UTP25: variants seen among roughly 807,000 people sequenced by gnomAD.
UTP25 encodes U3 small nucleolar RNA-associated protein 25 homolog.
UTP25 carries 50 observed loss-of-function variants against 78.9 expected under a neutral mutation model. That is an observed-to-expected ratio of 0.63 (90% CI 0.50 to 0.80). The LOEUF (loss-of-function observed/expected upper bound fraction) is 0.80. UTP25 is among the 30% of genes least tolerant of loss of function. UTP25 has a pLI of 0.00. For synonymous variants in UTP25, 329 were observed against 336.5 expected (o/e 0.98, Z 0.24); for missense variants, 846 against 911.3 (o/e 0.93, Z 0.92).
chr1:209,855,573 G>A lies in UTP25; in HGVS notation c.*4126G>A, dbSNP rs1279166922. On this transcript the variant is annotated 3_prime_UTR_variant, in exon 12 of 12. Coordinates refer to ENST00000491415, the MANE Select transcript of UTP25 (RefSeq NM_014388.7). ...AGAGAAATCTAATCTTTCTCCTGCT[G>A]GGCAGCTCAGTACAGATGTCCCCTC... The A allele has an allele frequency of 1.3e-5, 2 of 152,282 alleles. No individual in the cohort carries two copies. The highest frequency in any genetic ancestry group is 2.4e-5 in the African/African-American group (1 of 41,436). 9.4% of individuals were successfully genotyped at this position (152,282 alleles called of 1,614,324 possible). A position where few individuals can be genotyped will look rare whatever the true frequency, so the allele number is the denominator to read the frequency against.
chr1:209,851,279 T>C lies in UTP25; in HGVS notation c.2103T>C (p.Cys701=). The C allele has an allele frequency of 1.2e-6, 2 of 1,614,170 alleles. No individual in the cohort carries two copies. Among genetic ancestry groups the C allele is most frequent in the Middle Eastern group, 3.3e-4 (2 of 6,060 alleles). ...ATCCACACTTTTACAGTGAAATCTG[T>C]AATATGCTGAGAGCCACCAACAGAG... is the stretch of plus-strand genomic sequence containing the variant. The part of the protein sequence containing the change: ...PTYPHFYSEI[C]NMLRATNRGE... The change falls in exon 12 of 12, where the codon TGT becomes TGC. Residue 701 remains cysteine (C), a synonymous_variant. Coordinates refer to ENST00000491415, the MANE Select transcript of UTP25 (RefSeq NM_014388.7).
chr1:209,850,035 C>T (rs2078221869), intron 11 of UTP25, among the ~76,000 whole-genome samples: 5 of 152,176 alleles, frequency 3.3e-5, no homozygotes, highest in Admixed American at 3.3e-4. Context: ...CCACTGAGGA[C>T]CAATTATTAA....
At chr1:209,828,400 G>A (rs1294422897) in intron 1 of UTP25, among the ~76,000 whole-genome samples, 2 of 85,506 alleles carry the variant, frequency 2.3e-5, no homozygotes, top group African/African-American at 9.1e-5. Context: ...TGTGGGGGAG[G>A]ATTTTTTTTT....
chr1:209,843,782 C>A, intron 11 of UTP25, 86 bp downstream of exon 11: 1 of 1,507,588 alleles, frequency 6.6e-7, no homozygotes, highest in South Asian at 1.3e-5. Context: ...TGGCAGGCTT[C>A]GTGGTGTTGA....
At chr1:209,848,972 C>T (rs1417984314) in intron 11 of UTP25, among the ~76,000 whole-genome samples, 1 of 152,076 alleles carries the variant, frequency 6.6e-6, no homozygotes, top group African/African-American at 2.4e-5. Context: ...AGACAGTGGG[C>T]TTGGTGTAGG....
At chr1:209,841,604 G>T (rs1235128763) in intron 8 of UTP25, among the ~76,000 whole-genome samples, 1 of 152,116 alleles carries the variant, frequency 6.6e-6, no homozygotes, top group Non-Finnish European at 1.5e-5. Context: ...TTTTAGGACT[G>T]AAAAACTGCT....
At chr1:209,830,744 T>C in intron 2 of UTP25, 59 bp from the exon 3 acceptor site, 1 of 1,563,980 alleles carries the variant, frequency 6.4e-7, no homozygotes, top group South Asian at 1.2e-5. Flanking sequence ...GATGATAGTT[T>C]TAGGGTAACA....
chr1:209,846,937 T>TA (rs1273131811), intron 11 of UTP25, among the ~76,000 whole-genome samples: 1 of 152,256 alleles, frequency 6.6e-6, no homozygotes, highest in Non-Finnish European at 1.5e-5. Flanking sequence ...AATTTTAGGT[T>TA]AAAAATCTCA....
At position 209,828,187 on chromosome 1, in the gene UTP25, C is replaced by A; in HGVS notation, c.107+17C>A. 6.3e-7 allele frequency: 1 copy of A among 1,586,270 alleles called. No homozygotes were observed. The highest frequency in any genetic ancestry group is 8.7e-7 in the Non-Finnish European group (1 of 1,154,940). On this transcript the variant is annotated intron_variant, in intron 1 of 11. Transcript: ENST00000491415. ...CTATGACAGGTCTGAAGGGGCGTGG[C>A]AGGGCTCCCCAGTCGCCAGAGATGT...
intron 11 of UTP25, 151 bp downstream of exon 11, chr1:209,843,847 A>G: frequency 9.3e-7 from 1 of 1,075,606 alleles, no homozygotes. Context: ...TTTGGTTTGG[A>G]CAGACTCTTC....
At position 209,837,223 on chromosome 1, in the gene UTP25, A is replaced by G; in HGVS notation, c.1062+12A>G. 1 of 1,608,216 alleles carries G rather than the reference A, an allele frequency of 6.2e-7. No individual in the cohort carries two copies. The highest frequency in any genetic ancestry group is 8.5e-7 in the Non-Finnish European group (1 of 1,176,246). ...TAACAAGGCCCAAGGTGAGTCCAGC[A>G]GGAAAGCTTTGCTCTCGAGGAGGTG... On this transcript the variant is annotated intron_variant, in intron 6 of 11. Transcript: ENST00000491415.
chr1:209,847,071 CTTTTT>C (rs1425278231), intron 11 of UTP25, among the ~76,000 whole-genome samples: 1 of 151,664 alleles, frequency 6.6e-6, no homozygotes, highest in Non-Finnish European at 1.5e-5. Context: ...AAATTAGGAT[CTTTTT>C]TTGTTTTAAG....
In UTP25 at chr1:209,833,345, G is replaced by GA; in HGVS notation, c.552dup (p.Ala185SerfsTer33). 1 of 1,574,606 alleles carries GA rather than the reference G, an allele frequency of 6.4e-7. No homozygotes were observed. Among genetic ancestry groups the GA allele is most frequent in the Non-Finnish European group, 8.6e-7 (1 of 1,164,220 alleles). ...AGGAAAGTGGAGACAACTCTTCTTTGAAAGCCTCTCAAGGTCATAGCACAG... is the reference window on the plus strand; with the variant it reads ...AGGAAAGTGGAGACAACTCTTCTTTGAAAAGCCTCTCAAGGTCATAGCACAG... On this transcript the variant is annotated frameshift_variant, in exon 4 of 12. Transcript: ENST00000491415. LOFTEE classifies it high-confidence loss of function.
At chr1:209,836,594 T>G (rs2078134132) in intron 5 of UTP25, among the ~76,000 whole-genome samples, 1 of 152,218 alleles carries the variant, frequency 6.6e-6, no homozygotes, top group Non-Finnish European at 1.5e-5. Context: ...TTCTTCTGTG[T>G]AAACTTTGTA....
rs777451220 is a variant in UTP25, at chr1:209,843,601, C to T, written c.1932C>T (p.Tyr644=). ...TGAATTTTACCCACATCTGCGAGTA[C>T]ACGCAGAAGTCTGGTGTCTCCAGGG... ...EELNFTHICE[Y]TQKSGVSRAR... is the part of the protein sequence containing the mutation. The change falls in exon 11 of 12, where the codon TAC becomes TAT. Residue 644 remains tyrosine (Y), a synonymous_variant. Coordinates refer to ENST00000491415, the MANE Select transcript of UTP25 (RefSeq NM_014388.7). 8.1e-5 allele frequency: 130 copies of T among 1,614,068 alleles called. 3 individuals carry two copies. The South Asian group carries it at 1.4e-3, about 17-fold the overall frequency.
intron 11 of UTP25, among the ~76,000 whole-genome samples, chr1:209,848,067 GA>G (rs1424769116): frequency 6.6e-6 from 1 of 152,112 alleles, no homozygotes; most frequent in East Asian, 1.9e-4. Context: ...CCGTACGTTA[GA>G]ATAGAAGCTT....
chr1:209,846,323 T>C (rs1006651330), intron 11 of UTP25, among the ~76,000 whole-genome samples: 1 of 152,176 alleles, frequency 6.6e-6, no homozygotes. Context: ...AATCTTAGAA[T>C]TGGATGAACA....
At chr1:209,848,474 T>G (rs905571499) in intron 11 of UTP25, among the ~76,000 whole-genome samples, 2 of 152,216 alleles carry the variant, frequency 1.3e-5, no homozygotes, top group African/African-American at 2.4e-5. Flanking sequence ...GGGGTTTTTT[T>G]TCTGTTTTCT....
At chr1:209,835,195 T>C (rs1209664151) in intron 5 of UTP25, 32 bp downstream of exon 5, 4 of 1,582,960 alleles carry the variant, frequency 2.5e-6, no homozygotes, top group Non-Finnish European at 1.7e-6. Flanking sequence ...CGGTCACAAA[T>C]AGAGAAAGCT....
Sources: allele counts gnomAD v4.1 joint callset (sites outside exome capture counted in the v4.1 genomes callset), GRCh38; gene constraint gnomAD v4.1.1; transcripts MANE v1.5; gene names NCBI Gene and HGNC (gene_info 2026-07-23, HGNC 2026-07-21).